Variants in CSN3 observed in about 807,000 individuals in gnomAD.
The protein encoded by CSN3 is kappa-casein.
CSN3 carries 7 observed loss-of-function variants against 9.9 expected under a neutral mutation model. The ratio of observed to expected loss-of-function variants is 0.71; its 90% confidence interval spans 0.40 to 1.33. The LOEUF (loss-of-function observed/expected upper bound fraction) is 1.33, where lower values mean the gene tolerates loss of function less well. Among genes scored for constraint, CSN3 ranks in the 40% most tolerant of loss-of-function variants. The pLI, the probability that CSN3 is intolerant of heterozygous loss-of-function variation, is 0.01. For missense variants in CSN3, 253 were observed against 227.9 expected (o/e 1.11, Z -0.71); for synonymous variants, 88 against 82.3 (o/e 1.07, Z -0.37).
rs535396019 is a variant in CSN3, at chr4:70,245,966, T to G, written c.54+1093T>G. On this transcript the variant is annotated intron_variant, in intron 2 of 4. Transcript: ENST00000304954. ...CATGAAATGATCTACAAATCCCTGC[T>G]GCATAGCAACCTCTTCCTGAGCTAC... 1.8e-4 allele frequency among the ~76,000 whole-genome samples: 28 copies of G among 152,278 alleles called. 1 individual carries two copies. Among genetic ancestry groups the G allele is most frequent in the African/African-American group, 6.5e-4 (27 of 41,564 alleles).
intron 1 of CSN3, 118 bp from the exon 2 acceptor site, chr4:70,244,694 T>G (rs988508170): frequency 2.2e-6 from 1 of 450,312 alleles, no homozygotes; most frequent in Non-Finnish European, 3.6e-6. Context: ...TCACATCGGC[T>G]AAATCTACCT....
chr4:70,247,762 CTT>C (rs60315013), intron 2 of CSN3, 54 bp from the exon 3 acceptor site: 1 of 1,376,896 alleles, frequency 7.3e-7, no homozygotes, highest in East Asian at 2.4e-5. Flanking sequence ...GATTTAAGTA[CTT>C]TTTTTTTCTT....
intron 1 of CSN3, 42 bp downstream of exon 1, chr4:70,242,707 A>G (rs936183356): frequency 3.3e-5 from 5 of 152,112 alleles, no homozygotes; most frequent in African/African-American, 1.2e-4. Flanking sequence ...TCCTTTTCAC[A>G]GTAGTTAGTT....
intron 2 of CSN3, among the ~76,000 whole-genome samples, chr4:70,245,312 G>T (rs184245821): frequency 6.6e-6 from 1 of 152,142 alleles, no homozygotes; most frequent in East Asian, 1.9e-4. Context: ...TCCTTCAAAG[G>T]TCAACTTTGG....
At chr4:70,239,681 T>A (rs1730233981), upstream of CSN3, among the ~76,000 whole-genome samples, 2 of 152,016 alleles carry the variant, frequency 1.3e-5, no homozygotes, top group Non-Finnish European at 1.5e-5. Context: ...CCTTAGATAA[T>A]CTCTACAAAC....
chr4:70,242,134 T>C (rs1041122365), upstream of CSN3, among the ~76,000 whole-genome samples: 3 of 151,890 alleles, frequency 2.0e-5, no homozygotes, highest in Non-Finnish European at 2.9e-5. Flanking sequence ...TTTAAATAGA[T>C]AGGATAAGTT....
upstream of CSN3, among the ~76,000 whole-genome samples, chr4:70,239,326 C>T (rs968432587): frequency 2.6e-5 from 4 of 151,792 alleles, no homozygotes; most frequent in Non-Finnish European, 4.4e-5. Flanking sequence ...TAACAGCTAC[C>T]ACTGGATTTG....
At chr4:70,246,473 T>A (rs1271691341) in intron 2 of CSN3, among the ~76,000 whole-genome samples, 1 of 152,034 alleles carries the variant, frequency 6.6e-6, no homozygotes, top group Non-Finnish European at 1.5e-5. Flanking sequence ...ATTGATCACT[T>A]AGTTATCAAC....
intron 1 of CSN3, chr4:70,243,107 A>G: frequency 4.8e-6 from 3 of 618,626 alleles, no homozygotes; most frequent in Non-Finnish European, 6.1e-6. Context: ...TCAAATATTC[A>G]TGAAAGCTGG....
upstream of CSN3, chr4:70,242,510 A>G (rs1405069151): frequency 6.8e-6 from 1 of 148,098 alleles, no homozygotes; most frequent in Non-Finnish European, 1.5e-5. Context: ...TGCTATCATC[A>G]TCTTATTGGG....
chr4:70,247,910 G>T (rs1271503659), intron 3 of CSN3, 60 bp downstream of exon 3: 2 of 1,314,888 alleles, frequency 1.5e-6, no homozygotes, highest in Admixed American at 2.3e-5. Flanking sequence ...TTCTGCAAAG[G>T]TCAATTGTAT....
chr4:70,244,797 T>TA lies in CSN3; in HGVS notation c.-8-12dup, dbSNP rs746098050. On this transcript the variant is annotated splice_polypyrimidine_tract_variant and intron_variant, in intron 1 of 4. Transcript: ENST00000304954. Reference sequence around the variant, plus strand: ...AAATTCTTTTAAATTAATTTTTTTTTAAATTTATCTTTAGGTGCAATAATG... The same window carrying TA: ...AAATTCTTTTAAATTAATTTTTTTTTAAAATTTATCTTTAGGTGCAATAATG... The TA allele has an allele frequency of 7.0e-7, 1 of 1,437,934 alleles. No homozygotes were observed. The allele number at this position is 1,437,934 out of a possible 1,614,324, so 89.1% of individuals were successfully genotyped here.
chr4:70,249,691 A>C (rs982484008), intron 4 of CSN3, among the ~76,000 whole-genome samples, 198 bp downstream of exon 4: 1 of 152,190 alleles, frequency 6.6e-6, no homozygotes. Flanking sequence ...ATTTAAAATA[A>C]TTTTATTTGA....
chr4:70,243,283 C>A, intron 1 of CSN3: 1 of 333,156 alleles, frequency 3.0e-6, no homozygotes, highest in Non-Finnish European at 4.3e-6. Context: ...TATCATTTTA[C>A]TGTGTGAACT....
intron 3 of CSN3, 57 bp downstream of exon 3, chr4:70,247,907 A>G (rs1287932600): frequency 1.5e-6 from 2 of 1,353,556 alleles, no homozygotes; most frequent in African/African-American, 1.5e-5. Context: ...ATATTCTGCA[A>G]AGGTCAATTG....
At chr4:70,249,435 T>C (rs3775738) in exon 4 of CSN3, 616,741 of 1,612,760 alleles carry the variant, frequency 0.38, 120,228 homozygotes, top group Non-Finnish European at 0.4. Flanking sequence ...CAACCACAGT[T>C]GCAGTTACTC....
chr4:70,246,112 G>A (rs1036273319), intron 2 of CSN3, among the ~76,000 whole-genome samples: 1 of 151,948 alleles, frequency 6.6e-6, no homozygotes, highest in Admixed American at 6.6e-5. Context: ...AATCTTATGA[G>A]TAGTCAAATT....
intron 2 of CSN3, 75 bp from the exon 3 acceptor site, chr4:70,247,743 T>A: frequency 8.0e-7 from 1 of 1,244,412 alleles, no homozygotes; most frequent in South Asian, 1.4e-5. Flanking sequence ...ACAAAAGATT[T>A]TTTTAACTGA....
intron 3 of CSN3, 48 bp from the exon 4 acceptor site, chr4:70,248,950 A>G (rs765608351): frequency 7.4e-7 from 1 of 1,357,676 alleles, no homozygotes; most frequent in Non-Finnish European, 1.0e-6. Context: ...GTATTTCCAC[A>G]TTTGGGTCTA....
Sources: gnomAD v4.1 joint callset for allele counts (sites outside exome capture counted in the v4.1 genomes callset) on GRCh38, gnomAD v4.1.1 for gene constraint, MANE v1.5 for transcripts, NCBI Gene and HGNC (gene_info 2026-07-23, HGNC 2026-07-21) for gene names.